IQGAP1: variants seen among roughly 807,000 people sequenced by gnomAD.
IQGAP1 encodes the protein ras GTPase-activating-like protein IQGAP1.
A neutral mutation model predicts 215.6 loss-of-function variants in IQGAP1; 66 were observed. That is an observed-to-expected ratio of 0.31 (90% confidence interval 0.25 to 0.38). IQGAP1 has a LOEUF of 0.38. Ranked by LOEUF, IQGAP1 falls within the 10% of genes least tolerant of loss-of-function variation. The pLI is 1.00. For missense variants in IQGAP1, 1,712 were observed against 1,997.1 expected, an observed-to-expected ratio of 0.86 and a Z score of 2.72; for synonymous variants, 772 against 728.7, an observed-to-expected ratio of 1.06 and a Z score of -0.96.
intron 18 of IQGAP1, among the ~76,000 whole-genome samples, chr15:90,471,029 T>A (rs1484128143): frequency 6.6e-6 from 1 of 152,068 alleles, no homozygotes; most frequent in Admixed American, 6.6e-5. Flanking sequence ...CCCTTGTGCT[T>A]GTGACTCCTA....
intron 23 of IQGAP1, chr15:90,474,961 C>A (rs1965957236): frequency 3.9e-5 from 13 of 329,322 alleles, no homozygotes; most frequent in South Asian, 1.7e-4. Flanking sequence ...AGGCACGTGA[C>A]ACTATACCTG....
In IQGAP1 at chr15:90,477,352, AAAG is replaced by A. The variant is rs1291504946; in HGVS notation, c.3104+126_3104+128del. The A allele has an allele frequency of 3.6e-6, 3 of 836,176 alleles. No individual in the cohort carries two copies. The African/African-American group carries it at 5.2e-5, about 14-fold the overall frequency. 51.8% of individuals were successfully genotyped at this position (836,176 alleles called of 1,614,324 possible). ...TTAATTTATGAAAAATACTTACTCT[AAAG>A]AAGCATCTAATTTTTAAATAACTGA... On this transcript the variant is annotated intron_variant, in intron 25 of 37. Coordinates refer to ENST00000268182, the MANE Select transcript of IQGAP1 (RefSeq NM_003870.4).
At chr15:90,414,065 A>C (rs12438595) in intron 2 of IQGAP1, among the ~76,000 whole-genome samples, 127 of 152,308 alleles carry the variant, frequency 8.3e-4, no homozygotes, top group East Asian at 7.5e-3. Context: ...ATCATTTAAA[A>C]AAAATAAAAA....
chr15:90,457,930 G>A (rs766026091), intron 15 of IQGAP1, among the ~76,000 whole-genome samples: 2 of 152,252 alleles, frequency 1.3e-5, no homozygotes, highest in Admixed American at 6.5e-5. Flanking sequence ...GTAATTCAGC[G>A]TCAGTGGACT....
At chr15:90,409,476 G>C (rs1200963772) in intron 2 of IQGAP1, among the ~76,000 whole-genome samples, 1 of 152,044 alleles carries the variant, frequency 6.6e-6, no homozygotes, top group Non-Finnish European at 1.5e-5. Flanking sequence ...GACCTCAAAT[G>C]ATCCACCCGC....
chr15:90,413,177 G>A (rs1303679135), intron 2 of IQGAP1, among the ~76,000 whole-genome samples: 4 of 152,112 alleles, frequency 2.6e-5, no homozygotes, highest in Non-Finnish European at 5.9e-5. Context: ...TGGAGTGTCA[G>A]ACTCCATTAG....
At chr15:90,433,366 A>G (rs1965329104) in intron 4 of IQGAP1, among the ~76,000 whole-genome samples, 1 of 152,190 alleles carries the variant, frequency 6.6e-6, no homozygotes, top group Non-Finnish European at 1.5e-5. Context: ...TCATACTCAG[A>G]TCAGTCCAGT....
chr15:90,419,910 G>T (rs1954640601), intron 2 of IQGAP1, among the ~76,000 whole-genome samples: 1 of 152,186 alleles, frequency 6.6e-6, no homozygotes, highest in Non-Finnish European at 1.5e-5. Context: ...AAGACGTGAG[G>T]GGGCAGAGAT....
chr15:90,445,780 T>C (rs1460243347), intron 9 of IQGAP1, among the ~76,000 whole-genome samples: 1 of 152,082 alleles, frequency 6.6e-6, no homozygotes. Context: ...CTAGAGAGGA[T>C]TTAGAAGATT....
chr15:90,492,569 C>G lies in IQGAP1; in HGVS notation c.4486C>G (p.Arg1496Gly). ...GGATATTCGGAATCAGCGGAGGTAC[C>G]GACAGAGGAGAAAGGCCGAACTAGT... Reference protein sequence around the residue: ...ARDIRNQRRYRQRRKAELVKL... With the variant: ...ARDIRNQRRYGQRRKAELVKL... Residue 1496 changes from arginine (R) to glycine (G), a missense_variant, in exon 35 of 38, where the codon CGA becomes GGA. Coordinates refer to ENST00000268182, the MANE Select transcript of IQGAP1 (RefSeq NM_003870.4). 1 of 1,608,970 alleles carries G rather than the reference C, an allele frequency of 6.2e-7. No individual in the cohort carries two copies.
At position 90,456,822 on chromosome 15, in the gene IQGAP1, A is replaced by G. The variant is rs988158066; in HGVS notation, c.1776+507A>G. Among the ~76,000 whole-genome samples, 5 of 150,636 alleles carry G rather than the reference A, an allele frequency of 3.3e-5. No individual in the cohort carries two copies. The South Asian group carries it at 1.0e-3, about 31-fold the overall frequency. On this transcript the variant is annotated intron_variant, in intron 15 of 37. Coordinates refer to ENST00000268182, the MANE Select transcript of IQGAP1 (RefSeq NM_003870.4). ...GGAATTACTTGAGCCTGAGAGGTGG[A>G]GGTTGCAGTGAGCCGAGATTGCGCC...
chr15:90,439,267 G>A (rs560774410), intron 5 of IQGAP1, 65 bp from the exon 6 acceptor site: 44 of 1,221,504 alleles, frequency 3.6e-5, no homozygotes, highest in South Asian at 8.7e-5. Flanking sequence ...GCTGATTTTC[G>A]CCTTTTAAGG....
chr15:90,485,017 C>T (rs1325281881), intron 30 of IQGAP1, among the ~76,000 whole-genome samples: 1 of 152,074 alleles, frequency 6.6e-6, no homozygotes, highest in African/African-American at 2.4e-5. Flanking sequence ...TAGCTCTCTG[C>T]GTTATTTTTC....
chr15:90,443,859 T>C (rs1360927181), intron 9 of IQGAP1, among the ~76,000 whole-genome samples: 1 of 152,116 alleles, frequency 6.6e-6, no homozygotes, highest in Non-Finnish European at 1.5e-5. Flanking sequence ...AGGTCAGAAG[T>C]TCGAGACCAG....
At position 90,404,693 on chromosome 15, in the gene IQGAP1, C is replaced by T. The variant is rs1428813613; in HGVS notation, c.155+13820C>T. The stretch of plus-strand genomic sequence containing the variant: ...GGCCAGGTTCAAGCGATTCTTGTGC[C>T]TCATCCTCCCGAGGAACTGGGATTA... On this transcript the variant is annotated intron_variant, in intron 2 of 37. Coordinates refer to ENST00000268182, the MANE Select transcript of IQGAP1 (RefSeq NM_003870.4). Among the ~76,000 whole-genome samples, 4 of 152,054 alleles carry T rather than the reference C, an allele frequency of 2.6e-5. No homozygotes were observed. In the East Asian group the frequency reaches 5.8e-4, roughly 22 times the overall value.
intron 37 of IQGAP1, 55 bp from the exon 38 acceptor site, chr15:90,499,940 A>G (rs1966319750): frequency 2.6e-6 from 3 of 1,164,338 alleles, no homozygotes; most frequent in Non-Finnish European, 3.8e-6. Flanking sequence ...CTTGTTCCAC[A>G]GACTTGATTA....
intron 18 of IQGAP1, among the ~76,000 whole-genome samples, chr15:90,469,414 A>G (rs1220818495): frequency 6.6e-6 from 1 of 152,216 alleles, no homozygotes; most frequent in Non-Finnish European, 1.5e-5. Context: ...GGTGATTTCT[A>G]CCTTGTGGTT....
Position 90,501,162 on chromosome 15 carries a change from G to A in IQGAP1, c.*1054G>A, listed in dbSNP as rs1180990022. 1 of 152,258 alleles carries A rather than the reference G, an allele frequency of 6.6e-6. No individual in the cohort carries two copies. The highest frequency in any genetic ancestry group is 1.5e-5 in the Non-Finnish European group (1 of 67,984). 9.4% of individuals were successfully genotyped at this position (152,258 alleles called of 1,614,324 possible). A position where few individuals can be genotyped will look rare whatever the true frequency, so the allele number is the denominator to read the frequency against. ...AGGATTTATCTGCAGTGTTCAGGGA[G>A]ATAATTCTGCCTTTAATTGTCTAAA... On this transcript the variant is annotated 3_prime_UTR_variant, in exon 38 of 38. Transcript: ENST00000268182.
chr15:90,391,072 C>CA (rs1194147962), intron 2 of IQGAP1, 199 bp downstream of exon 2: 2 of 460,398 alleles, frequency 4.3e-6, no homozygotes, highest in East Asian at 3.9e-5. Flanking sequence ...CCCATCTCTA[C>CA]AAAAAAATTT....
Sources: allele counts gnomAD v4.1 joint callset (sites outside exome capture counted in the v4.1 genomes callset), GRCh38; gene constraint gnomAD v4.1.1; transcripts MANE v1.5; gene names NCBI Gene and HGNC (gene_info 2026-07-23, HGNC 2026-07-21).